CAPN13: variants seen among roughly 807,000 people sequenced by gnomAD.
CAPN13 encodes the protein calpain 13.
A neutral mutation model predicts 98.4 loss-of-function variants in CAPN13; 90 were observed. That is an observed-to-expected ratio of 0.92 (90% CI 0.77 to 1.09). The LOEUF is 1.09. Ranked by LOEUF, CAPN13 falls within the 50% of genes least tolerant of loss-of-function variation. The pLI is 0.00. For missense variants in CAPN13, 887 were observed against 841.3 expected (o/e 1.05, Z -0.67); for synonymous variants, 330 against 305.5 (o/e 1.08, Z -0.84).
At chr2:30,749,753 C>A (rs1274392874) in intron 11 of CAPN13, among the ~76,000 whole-genome samples, 1 of 89,930 alleles carries the variant, frequency 1.1e-5, no homozygotes, top group African/African-American at 7.1e-5. Context: ...GAGAGAGGAT[C>A]CCAGCGTGTG....
At chr2:30,728,398 G>C (rs1400890766) in intron 22 of CAPN13, among the ~76,000 whole-genome samples, 3 of 152,066 alleles carry the variant, frequency 2.0e-5, no homozygotes, top group Non-Finnish European at 2.9e-5. Context: ...GACTGGGGAG[G>C]GGTGATATGT....
intron 8 of CAPN13, among the ~76,000 whole-genome samples, chr2:30,755,128 C>T (rs1423669007): frequency 1.3e-5 from 2 of 151,816 alleles, no homozygotes; most frequent in East Asian, 3.9e-4. Context: ...AAACACCACC[C>T]CCCCAAGCCC....
chr2:30,777,631 T>A lies in CAPN13; in HGVS notation c.207A>T (p.Pro69=). The A allele has an allele frequency of 6.4e-7, 1 of 1,573,480 alleles. No individual in the cohort carries two copies. Among genetic ancestry groups the A allele is most frequent in the Non-Finnish European group, 8.6e-7 (1 of 1,157,624 alleles). Residue 69 remains proline, a synonymous_variant, in exon 3 of 23, where the codon CCA becomes CCT. Coordinates refer to ENST00000295055, the MANE Select transcript of CAPN13 (RefSeq NM_144575.3). The part of the protein sequence containing the change: ...NVIWKRPQDL[P]GGPPHFILDD... ...CCAGGATGAAGTGAGGAGGACCCCCTGGTAGATCCTTTAGGAAAGAGGGAG... is the reference window on the plus strand; with the variant it reads ...CCAGGATGAAGTGAGGAGGACCCCCAGGTAGATCCTTTAGGAAAGAGGGAG...
intron 7 of CAPN13, among the ~76,000 whole-genome samples, chr2:30,758,939 T>C (rs1267101241): frequency 6.4e-5 from 9 of 140,636 alleles, no homozygotes; most frequent in African/African-American, 2.4e-4. Flanking sequence ...TTTTCCTCCC[T>C]CCCTCCCTTT....
chr2:30,796,603 C>T (rs1224993422), intron 1 of CAPN13, among the ~76,000 whole-genome samples: 1 of 151,982 alleles, frequency 6.6e-6, no homozygotes, highest in Admixed American at 6.6e-5. Flanking sequence ...AGCAATTAAC[C>T]AAGCAGATAG....
chr2:30,743,769 A>C (rs1433958492), intron 12 of CAPN13, 190 bp from the exon 13 acceptor site: 1 of 695,012 alleles, frequency 1.4e-6, no homozygotes, highest in African/African-American at 1.7e-5. Context: ...TTTCATCTAG[A>C]CCCTGGACAC....
intron 1 of CAPN13, among the ~76,000 whole-genome samples, chr2:30,805,747 C>CTTTTTTT (rs72100161): frequency 1.1e-4 from 13 of 121,518 alleles, no homozygotes; most frequent in Non-Finnish European, 1.2e-4. Flanking sequence ...GTAGGTTGGT[C>CTTTTTTT]TTTTTTTTTT....
In CAPN13 at chr2:30,754,151, G is replaced by A. The variant is rs553590100; in HGVS notation, c.941+139C>T. The A allele has an allele frequency of 7.5e-6, 4 of 533,622 alleles. No individual in the cohort carries two copies. The East Asian group carries it at 1.1e-4, about 14-fold the overall frequency. The allele number at this position is 533,622 out of a possible 1,614,324, so 33.1% of individuals were successfully genotyped here. A position where few individuals can be genotyped will look rare whatever the true frequency, so the allele number is the denominator to read the frequency against. ...TTTTCATCCAAAGTTTTTGTGTCTT[G>A]GTAGAGAAAATAGGCTCCCTCTAAA... On this transcript the variant is annotated intron_variant, in intron 9 of 22. Coordinates refer to ENST00000295055, the MANE Select transcript of CAPN13 (RefSeq NM_144575.3).
rs1473697909 is a variant in CAPN13, at chr2:30,741,892, G to T, written c.1536+16C>A. On this transcript the variant is annotated intron_variant, in intron 15 of 22. Coordinates refer to ENST00000295055, the MANE Select transcript of CAPN13 (RefSeq NM_144575.3). The stretch of plus-strand genomic sequence containing the variant: ...CTCCAATCCCACGTAAGGCCCCTGG[G>T]TGCTAGGTACCATACCTGCTGAGCA... The T allele has an allele frequency of 6.2e-7, 1 of 1,613,808 alleles. No individual in the cohort carries two copies. Among genetic ancestry groups the T allele is most frequent in the Non-Finnish European group, 8.5e-7 (1 of 1,179,872 alleles).
intron 5 of CAPN13, among the ~76,000 whole-genome samples, chr2:30,767,274 A>G (rs988522897): frequency 3.3e-5 from 5 of 152,152 alleles, no homozygotes; most frequent in African/African-American, 1.2e-4. Context: ...CCTGCATTTC[A>G]GAGCTTCCTT....
intron 22 of CAPN13, among the ~76,000 whole-genome samples, chr2:30,727,085 G>C (rs909862058): frequency 1.3e-5 from 2 of 152,094 alleles, no homozygotes; most frequent in African/African-American, 2.4e-5. Context: ...CAAAGAAACA[G>C]GAGAATGAAT....
chr2:30,761,489 C>T (rs768544482), intron 7 of CAPN13, among the ~76,000 whole-genome samples: 7 of 152,190 alleles, frequency 4.6e-5, no homozygotes, highest in Non-Finnish European at 7.3e-5. Context: ...TCTCCACAGC[C>T]AGCCTCTGCG....
chr2:30,743,465 T>C lies in CAPN13; in HGVS notation c.1363A>G (p.Asn455Asp). Residue 455 changes from asparagine to aspartate, a missense_variant, in exon 13 of 23, where the codon AAC (asparagine) becomes GAC (aspartate). Coordinates refer to ENST00000295055, the MANE Select transcript of CAPN13 (RefSeq NM_144575.3). The stretch of plus-strand genomic sequence containing the variant: ...CGTGTCTGTGCAACCACAACATAGT[T>C]CCCAGGGCTCAGATGGTAAGTCATG... The part of the protein sequence containing the change: ...FTMTYHLSPG[N>D]YVVVAQTRRK... The C allele has an allele frequency of 6.2e-7, 1 of 1,613,946 alleles. No individual in the cohort carries two copies. The highest frequency in any genetic ancestry group is 8.5e-7 in the Non-Finnish European group (1 of 1,179,846).
intron 7 of CAPN13, among the ~76,000 whole-genome samples, chr2:30,758,789 T>TTCCTTCCTCCCTCCCTC (rs1572829401): frequency 9.2e-6 from 1 of 109,134 alleles, no homozygotes; most frequent in Non-Finnish European, 1.9e-5. Context: ...TCCCTCCCTT[T>TTCCTTCCTCCCTCCCTC]CCTTTCCTTC....
At chr2:30,800,094 A>AAAAG (rs1250368065) in intron 1 of CAPN13, among the ~76,000 whole-genome samples, 1 of 140,074 alleles carries the variant, frequency 7.1e-6, no homozygotes, top group East Asian at 2.2e-4. Context: ...AGAAAGAAAG[A>AAAAG]AAAGAAAGAA....
chr2:30,737,979 AC>A, intron 17 of CAPN13: 1 of 513,354 alleles, frequency 1.9e-6, no homozygotes, highest in Non-Finnish European at 3.6e-6. Context: ...ACACACACAC[AC>A]ACACACACAC....
chr2:30,772,183 C>A (rs1673443829), intron 4 of CAPN13, among the ~76,000 whole-genome samples: 1 of 152,196 alleles, frequency 6.6e-6, no homozygotes, highest in Non-Finnish European at 1.5e-5. Context: ...AATGAGGCCA[C>A]CACCTGCATT....
At chr2:30,779,524 G>A (rs768947444) in intron 2 of CAPN13, among the ~76,000 whole-genome samples, 1 of 152,140 alleles carries the variant, frequency 6.6e-6, no homozygotes, top group Non-Finnish European at 1.5e-5. Context: ...TTACAAATGA[G>A]GAAGGATGTG....
At chr2:30,740,985 G>T (rs1462356063) in intron 15 of CAPN13, among the ~76,000 whole-genome samples, 1 of 152,104 alleles carries the variant, frequency 6.6e-6, no homozygotes, top group Non-Finnish European at 1.5e-5. Flanking sequence ...TCAGTGTTGG[G>T]GACAAGGAAT....
Sources: allele counts gnomAD v4.1 joint callset (sites outside exome capture counted in the v4.1 genomes callset), GRCh38; gene constraint gnomAD v4.1.1; transcripts MANE v1.5; gene names NCBI Gene and HGNC (gene_info 2026-07-23, HGNC 2026-07-21).